The following MRTFB variants were observed in gnomAD, a reference collection of about 807,000 sequenced individuals.
MRTFB encodes myocardin-related transcription factor B.
A neutral mutation model predicts 104.2 loss-of-function variants in MRTFB; 29 were observed. The ratio of observed to expected loss-of-function variants is 0.28; its 90% CI spans 0.21 to 0.38. MRTFB has a LOEUF of 0.38. Ranked by LOEUF, MRTFB falls within the 10% of genes least tolerant of loss-of-function variation. MRTFB has a pLI of 1.00. For synonymous variants in MRTFB, 535 were observed against 519.5 expected (o/e 1.03, Z -0.41); for missense variants, 1,270 against 1,341.6 (o/e 0.95, Z 0.83).
the MRTFB span, among the ~76,000 whole-genome samples, chr16:14,057,701 T>G: frequency 9.5e-3 from 1,448 of 152,272 alleles, 27 homozygotes; most frequent in African/African-American, 0.033. Flanking sequence ...AGTTGTTCAC[T>G]ATGAAACCCC....
At chr16:14,001,175 C>G in the MRTFB span, among the ~76,000 whole-genome samples, 1 of 152,208 alleles carries the variant, frequency 6.6e-6, no homozygotes, top group African/African-American at 2.4e-5. Flanking sequence ...TTGCAAGCAA[C>G]CGAAACACTG....
At chr16:14,039,041 G>C in the MRTFB span, among the ~76,000 whole-genome samples, 2 of 152,054 alleles carry the variant, frequency 1.3e-5, no homozygotes, top group African/African-American at 4.8e-5. Flanking sequence ...TCTCCCACTG[G>C]GTCCCTCCCA....
chr16:14,050,166 C>CAG, the MRTFB span, among the ~76,000 whole-genome samples: 1 of 150,536 alleles, frequency 6.6e-6, no homozygotes, highest in Admixed American at 6.6e-5. Context: ...GACAGACAGA[C>CAG]ACACACACAC....
At chr16:14,082,983 C>T (rs184220620) in intron 2 of MRTFB, among the ~76,000 whole-genome samples, 3 of 152,110 alleles carry the variant, frequency 2.0e-5, no homozygotes, top group East Asian at 3.9e-4. Flanking sequence ...TCTTTTGATC[C>T]GTGAGCATGG....
chr16:14,068,719 C>T (rs76714296), upstream of MRTFB, among the ~76,000 whole-genome samples: 9,020 of 152,068 alleles, frequency 0.059, 818 homozygotes, highest in African/African-American at 0.2. Context: ...TTTAGGCATC[C>T]GTTTGGCTGG....
intron 2 of MRTFB, among the ~76,000 whole-genome samples, chr16:14,125,001 C>A (rs1227188570): frequency 1.3e-5 from 2 of 152,242 alleles, no homozygotes; most frequent in South Asian, 2.1e-4. Flanking sequence ...AAACTGAAAT[C>A]TGCGTTTTCT....
At chr16:14,037,253 A>G in the MRTFB span, among the ~76,000 whole-genome samples, 1 of 152,182 alleles carries the variant, frequency 6.6e-6, no homozygotes, top group Non-Finnish European at 1.5e-5. Context: ...TAATTGATCG[A>G]TGGTTCCTGT....
the MRTFB span, among the ~76,000 whole-genome samples, chr16:14,027,751 A>T: frequency 6.6e-6 from 1 of 152,214 alleles, no homozygotes; most frequent in Non-Finnish European, 1.5e-5. Flanking sequence ...GGGATTCCTT[A>T]TGAAAGTTTG....
chr16:14,152,272 A>G (rs1443493235), intron 3 of MRTFB: 1 of 152,052 alleles, frequency 6.6e-6, no homozygotes, highest in Non-Finnish European at 1.5e-5. Flanking sequence ...GAATAAATTC[A>G]GAAATTATCT....
intron 2 of MRTFB, among the ~76,000 whole-genome samples, chr16:14,080,876 T>C (rs1043847795): frequency 2.0e-5 from 3 of 152,252 alleles, no homozygotes; most frequent in Admixed American, 2.0e-4. Context: ...GTTGTGTATA[T>C]ATACCACATT....
intron 3 of MRTFB, among the ~76,000 whole-genome samples, chr16:14,210,015 A>G (rs751804897): frequency 8.5e-5 from 13 of 152,390 alleles, no homozygotes; most frequent in South Asian, 4.1e-4. Flanking sequence ...TCATCAAAAT[A>G]GGATAAACCA....
chr16:14,067,511 T>C (rs1030401495), upstream of MRTFB, among the ~76,000 whole-genome samples: 1 of 152,138 alleles, frequency 6.6e-6, no homozygotes, highest in Non-Finnish European at 1.5e-5. Context: ...GTGTGAGCCA[T>C]GGTGCCCAGC....
At chr16:14,182,374 G>T (rs80259106) in intron 3 of MRTFB, among the ~76,000 whole-genome samples, 2,583 of 152,252 alleles carry the variant, frequency 0.017, 81 homozygotes, top group African/African-American at 0.058. Flanking sequence ...GTTTCTCCCT[G>T]TAGGAGAAGG....
At chr16:14,226,086 C>A (rs1427486675) in intron 8 of MRTFB, among the ~76,000 whole-genome samples, 1 of 152,096 alleles carries the variant, frequency 6.6e-6, no homozygotes, top group Non-Finnish European at 1.5e-5. Context: ...CAAGGCACTA[C>A]AAAGCATCAA....
At chr16:14,175,799 A>G (rs1351176176) in intron 3 of MRTFB, among the ~76,000 whole-genome samples, 1 of 152,208 alleles carries the variant, frequency 6.6e-6, no homozygotes, top group African/African-American at 2.4e-5. Flanking sequence ...CCAACCACCG[A>G]TGAGGTGCAA....
intron 2 of MRTFB, among the ~76,000 whole-genome samples, chr16:14,102,016 G>A (rs1006036970): frequency 1.3e-5 from 2 of 152,168 alleles, no homozygotes; most frequent in East Asian, 3.9e-4. Flanking sequence ...AGGCACTAAT[G>A]GGACTGGTGG....
rs2043937028 is a variant in MRTFB, at chr16:14,266,034, A to C, written c.*4590A>C. 1 of 152,226 alleles carries C rather than the reference A, an allele frequency of 6.6e-6. No homozygotes were observed. The highest frequency in any genetic ancestry group is 2.1e-4 in the South Asian group (1 of 4,832). The allele number at this position is 152,226 out of a possible 1,614,324, so 9.4% of individuals were successfully genotyped here. ...TTAGGAAAGGGTTTAGTATCTACCAAAAGTACTTGACCTCAAGTAACCAAT... is the reference window on the plus strand; with the variant it reads ...TTAGGAAAGGGTTTAGTATCTACCACAAGTACTTGACCTCAAGTAACCAAT... On this transcript the variant is annotated 3_prime_UTR_variant, in exon 17 of 17. Transcript: ENST00000571589.
the MRTFB span, among the ~76,000 whole-genome samples, chr16:14,038,744 G>A: frequency 6.6e-6 from 1 of 152,122 alleles, no homozygotes; most frequent in East Asian, 1.9e-4. Flanking sequence ...TTGGCTGGCT[G>A]GTTCTGGTTC....
intron 8 of MRTFB, among the ~76,000 whole-genome samples, chr16:14,219,449 T>C (rs2041586877): frequency 6.6e-6 from 1 of 152,224 alleles, no homozygotes; most frequent in African/African-American, 2.4e-5. Flanking sequence ...TCTCTCCTTA[T>C]AGTGCTTTTG....
Sources: allele counts gnomAD v4.1 joint callset (sites outside exome capture counted in the v4.1 genomes callset), GRCh38; gene constraint gnomAD v4.1.1; transcripts MANE v1.5; gene names NCBI Gene and HGNC (gene_info 2026-07-23, HGNC 2026-07-21).